Variants in PHACTR2 observed in about 807,000 individuals in gnomAD.
PHACTR2 encodes chromosome 6 open reading frame 56.
Under a neutral mutation model 76.0 loss-of-function variants are expected in PHACTR2, and 30 were observed. The observed-to-expected ratio is 0.39, with a 90% CI of 0.30 to 0.54. The LOEUF is 0.54. PHACTR2 is among the 20% of genes least tolerant of loss of function. The probability of loss-of-function intolerance (pLI) is 0.61; values close to 1 mark genes in which losing one functional copy is unlikely to be tolerated. For missense variants in PHACTR2, 696 were observed against 781.1 expected (o/e 0.89, Z 1.30); for synonymous variants, 292 against 292.5 (o/e 1.00, Z 0.02).
chr6:143,813,357 C>T (rs1233643631), intron 12 of PHACTR2, among the ~76,000 whole-genome samples: 1 of 152,082 alleles, frequency 6.6e-6, no homozygotes, highest in Non-Finnish European at 1.5e-5. Flanking sequence ...CGGTGGCTCA[C>T]GCCTGTAATC....
intron 1 of PHACTR2, among the ~76,000 whole-genome samples, chr6:143,655,227 G>A (rs761745746): frequency 2.0e-5 from 3 of 151,800 alleles, no homozygotes; most frequent in South Asian, 2.1e-4. Context: ...CAGGATGAAC[G>A]TTGTATGATT....
chr6:143,643,193 T>C (rs1776597200), intron 1 of PHACTR2, among the ~76,000 whole-genome samples: 1 of 152,204 alleles, frequency 6.6e-6, no homozygotes, highest in Non-Finnish European at 1.5e-5. Context: ...AATGGGTCTT[T>C]TTTTTGCAAA....
At chr6:143,729,974 G>A (rs1778664634) in intron 2 of PHACTR2, among the ~76,000 whole-genome samples, 1 of 152,002 alleles carries the variant, frequency 6.6e-6, no homozygotes, top group Admixed American at 6.6e-5. Context: ...AAATTGATTG[G>A]CAACATATAT....
At chr6:143,674,065 G>A (rs1209890351), upstream of PHACTR2, among the ~76,000 whole-genome samples, 2 of 152,120 alleles carry the variant, frequency 1.3e-5, no homozygotes, top group Non-Finnish European at 2.9e-5. This position sits in a 1 kb window ranked among gnomAD's most constrained non-coding sequence, Gnocchi z 4.9. Context: ...TTATCTGTTA[G>A]CATTATCCTG....
intron 1 of PHACTR2, among the ~76,000 whole-genome samples, chr6:143,703,156 T>TAAAAAAAAAAAAAAA (rs57738495): frequency 2.2e-5 from 2 of 91,106 alleles, no homozygotes; most frequent in Non-Finnish European, 2.1e-5. Context: ...AAAAAATTAC[T>TAAAAAAAAAAAAAAA]AAAAAAAAAA....
rs1781130905 is a variant in PHACTR2, at chr6:143,537,701, A to G, written c.217+494A>G. Reference sequence around the variant, plus strand: ...AGACGCCTTTTGCGGGTTGCTGGTAAGAGGACCCGGGATATGAGTTTTTCC... The same window carrying G: ...AGACGCCTTTTGCGGGTTGCTGGTAGGAGGACCCGGGATATGAGTTTTTCC... On this transcript the variant is annotated intron_variant, in intron 1 of 11. Transcript: ENST00000367584. The surrounding 1 kb of genome is among the most constrained non-coding windows in gnomAD (Gnocchi z 4.4). Among the ~76,000 whole-genome samples, 1 of 152,134 alleles carries G rather than the reference A, an allele frequency of 6.6e-6. No homozygotes were observed. Among genetic ancestry groups the G allele is most frequent in the African/African-American group, 2.4e-5 (1 of 41,418 alleles).
intron 1 of PHACTR2, among the ~76,000 whole-genome samples, chr6:143,699,379 A>G (rs902512538): frequency 2.4e-4 from 37 of 152,178 alleles, no homozygotes; most frequent in Non-Finnish European, 2.6e-4. Flanking sequence ...AACAAACAGC[A>G]AACAAAACCT....
chr6:143,799,255 G>A (rs183096254), intron 11 of PHACTR2, among the ~76,000 whole-genome samples: 34 of 152,080 alleles, frequency 2.2e-4, no homozygotes, highest in East Asian at 2.1e-3. Context: ...TTTTTATTGC[G>A]TCTATTTGAT....
chr6:143,762,593 CT>C (rs1269537115), intron 5 of PHACTR2, among the ~76,000 whole-genome samples: 4 of 152,206 alleles, frequency 2.6e-5, no homozygotes, highest in African/African-American at 9.7e-5. Context: ...CCGTTTAGAA[CT>C]TTCTGCATAG....
At position 143,556,543 on chromosome 6, in the gene PHACTR2, T is replaced by C. The variant is rs1425491833; in HGVS notation, c.217+19336T>C. Among the ~76,000 whole-genome samples the C allele has an allele frequency of 6.6e-6, 1 of 152,088 alleles. No homozygotes were observed. The highest frequency in any genetic ancestry group is 2.4e-5 in the African/African-American group (1 of 41,410). On this transcript the variant is annotated intron_variant, in intron 1 of 11. Transcript: ENST00000367584. This position sits in a 1 kb window ranked among gnomAD's most constrained non-coding sequence, Gnocchi z 4.3. ...GGAAAGTGAAAAAGATGAGAAAAAA[T>C]ATTTTGAGAAAAGTTGACTAGCTCC...
chr6:143,745,233 G>A (rs1582834167), intron 2 of PHACTR2, among the ~76,000 whole-genome samples: 1 of 152,184 alleles, frequency 6.6e-6, no homozygotes, highest in African/African-American at 2.4e-5. Context: ...AATAACAGCA[G>A]GCTCTCAGTG....
Position 143,753,663 on chromosome 6 carries a change from T to C in PHACTR2, c.296-91T>C, listed in dbSNP as rs1165556504. ...TATTTGGTTCCCAGGGACTGAAACA[T>C]GAATCTAAATTTTACAATCCTAGTA... On this transcript the variant is annotated intron_variant, in intron 3 of 12. Coordinates refer to ENST00000440869, the MANE Select transcript of PHACTR2 (RefSeq NM_001100164.2). This position sits in a 1 kb window ranked among gnomAD's most constrained non-coding sequence, Gnocchi z 4.6. The C allele has an allele frequency of 4.6e-6, 4 of 867,246 alleles. No homozygotes were observed. The East Asian group carries it at 7.7e-5, about 17-fold the overall frequency. The allele number at this position is 867,246 out of a possible 1,614,324, so 53.7% of individuals were successfully genotyped here.
At chr6:143,620,653 A>C (rs1776137571) in intron 1 of PHACTR2, among the ~76,000 whole-genome samples, 1 of 152,200 alleles carries the variant, frequency 6.6e-6, no homozygotes, top group African/African-American at 2.4e-5. Context: ...CTGCACATAA[A>C]AAATGTTGCC....
rs923264457 is a variant in PHACTR2 at position 143,755,422 on chromosome 6, G to A, written c.454+1510G>A. ...GGTGCCTGGTCCGTGCAGGGTATTCGTCACTGGACTGGCCAGACATCAAAG... is the reference window on the plus strand; with the variant it reads ...GGTGCCTGGTCCGTGCAGGGTATTCATCACTGGACTGGCCAGACATCAAAG... On this transcript the variant is annotated intron_variant, in intron 4 of 12. Coordinates refer to ENST00000440869, the MANE Select transcript of PHACTR2 (RefSeq NM_001100164.2). The surrounding 1 kb of genome is among the most constrained non-coding windows in gnomAD (Gnocchi z 5.2). 1.5e-5 allele frequency: 7 copies of A among 452,842 alleles called. No individual in the cohort carries two copies. The highest frequency in any genetic ancestry group is 7.0e-5 in the East Asian group (1 of 14,378). 28.1% of individuals were successfully genotyped at this position (452,842 alleles called of 1,614,324 possible).
chr6:143,666,699 T>G (rs768401676), intron 1 of PHACTR2, among the ~76,000 whole-genome samples: 1 of 152,368 alleles, frequency 6.6e-6, no homozygotes, highest in Middle Eastern at 3.4e-3. Flanking sequence ...TCTGTTCATA[T>G]CCTTTGCCCA....
intron 1 of PHACTR2, among the ~76,000 whole-genome samples, chr6:143,565,760 G>A (rs1164697379): frequency 1.3e-5 from 2 of 152,110 alleles, no homozygotes; most frequent in Admixed American, 1.3e-4. Context: ...GGGTAAAGGA[G>A]GTAGGAGGGC....
intron 1 of PHACTR2, among the ~76,000 whole-genome samples, chr6:143,568,057 A>C (rs1775387344): frequency 1.3e-5 from 2 of 152,314 alleles, no homozygotes; most frequent in South Asian, 4.1e-4. Flanking sequence ...TGATATTATA[A>C]ACACTTATTT....
chr6:143,585,486 G>A lies in PHACTR2; in HGVS notation c.217+48279G>A, dbSNP rs533517435. Among the ~76,000 whole-genome samples, 9 of 152,190 alleles carry A rather than the reference G, an allele frequency of 5.9e-5. No homozygotes were observed. Among genetic ancestry groups the A allele is most frequent in the African/African-American group, 1.9e-4 (8 of 41,438 alleles). ...TTGCAGTTAACCTAGGGCTTCAGGA[G>A]TAAGGAACTGGATTCAGAAACAAGA... On this transcript the variant is annotated intron_variant, in intron 1 of 11. Transcript: ENST00000367584. The surrounding 1 kb of genome is among the most constrained non-coding windows in gnomAD (Gnocchi z 5.2).
chr6:143,787,251 T>G lies in PHACTR2; in HGVS notation c.1708-1522T>G, dbSNP rs1015896937. 3.9e-5 allele frequency among the ~76,000 whole-genome samples: 6 copies of G among 152,338 alleles called. No individual in the cohort carries two copies. Among genetic ancestry groups the G allele is most frequent in the African/African-American group, 1.4e-4 (6 of 41,586 alleles). ...CTGAGGACAAGACTGGATGGAGAATTTCTAACCTATATTGCCATTGGTCAC... is the reference window on the plus strand; with the variant it reads ...CTGAGGACAAGACTGGATGGAGAATGTCTAACCTATATTGCCATTGGTCAC... On this transcript the variant is annotated intron_variant, in intron 10 of 12. Transcript: ENST00000440869. The surrounding 1 kb of genome is among the most constrained non-coding windows in gnomAD (Gnocchi z 4.6).
Sources: gnomAD v4.1 joint callset for allele counts (sites outside exome capture counted in the v4.1 genomes callset) on GRCh38, gnomAD v4.1.1 for gene constraint, Gnocchi (gnomAD v3.1) non-coding constraint, MANE v1.5 for transcripts, NCBI Gene and HGNC (gene_info 2026-07-23, HGNC 2026-07-21) for gene names.